MTMR7: variants seen among roughly 807,000 people sequenced by gnomAD.
MTMR7 encodes the protein myotubularin related protein 7.
A neutral mutation model predicts 81.2 loss-of-function variants in MTMR7; 76 were observed. That is an observed-to-expected ratio of 0.94 (90% CI 0.78 to 1.13). The LOEUF is 1.13. Among genes scored for constraint, MTMR7 ranks in the 50% most tolerant of loss-of-function variants. MTMR7 has a pLI of 0.00. For missense variants in MTMR7, 1,044 were observed against 820.0 expected, an observed-to-expected ratio of 1.27 and a Z score of -3.34; for synonymous variants, 372 against 289.8, an observed-to-expected ratio of 1.28 and a Z score of -2.88.
intron 2 of MTMR7, 55 bp downstream of exon 2, chr8:17,373,063 A>T: frequency 6.3e-7 from 1 of 1,598,248 alleles, no homozygotes; most frequent in Non-Finnish European, 8.5e-7. Context: ...GAGGGCAAAC[A>T]CTTTTTGCTT....
intron 3 of MTMR7, among the ~76,000 whole-genome samples, chr8:17,365,140 T>C (rs565052908): frequency 4.9e-4 from 75 of 152,282 alleles, no homozygotes; most frequent in Non-Finnish European, 9.6e-4. Context: ...CTCACTGTGG[T>C]TTTAATTTGC....
At chr8:17,364,523 G>C (rs570959551) in intron 3 of MTMR7, among the ~76,000 whole-genome samples, 1 of 152,234 alleles carries the variant, frequency 6.6e-6, no homozygotes, top group East Asian at 1.9e-4. Context: ...TCAAAATAAT[G>C]AGACTTATTC....
At chr8:17,304,129 T>C (rs1817301573) in intron 12 of MTMR7, among the ~76,000 whole-genome samples, 1 of 152,202 alleles carries the variant, frequency 6.6e-6, no homozygotes, top group Non-Finnish European at 1.5e-5. Flanking sequence ...AATTGGAACT[T>C]AACCTTTTTA....
In MTMR7 at chr8:17,300,089, T is replaced by C; in HGVS notation, c.1756A>G (p.Met586Val). ...GGGCTCCGGGATGGAAATGATTTCA[T>C]ATTCCCACTGTAATCCTGGGGAGTG... ...ANTPQDYSGNMKSFPSRSPSQ... is the reference protein window; with the variant it reads ...ANTPQDYSGNVKSFPSRSPSQ... Residue 586 changes from methionine (M) to valine (V), a missense_variant, in exon 14 of 14, where the codon ATG becomes GTG. Physicochemically the swap from Met to Val is conservative, Grantham distance 21. Coordinates refer to ENST00000180173, the MANE Select transcript of MTMR7 (RefSeq NM_004686.5). 1.2e-6 allele frequency: 2 copies of C among 1,614,188 alleles called. No individual in the cohort carries two copies. The highest frequency in any genetic ancestry group is 1.1e-5 in the South Asian group (1 of 91,080).
At chr8:17,370,280 T>C (rs1430313764) in intron 3 of MTMR7, among the ~76,000 whole-genome samples, 2 of 151,754 alleles carry the variant, frequency 1.3e-5, no homozygotes, top group African/African-American at 4.8e-5. Context: ...TCCGAGCACT[T>C]GAGGCCGAGG....
Position 17,324,502 on chromosome 8 carries a change from C to G in MTMR7, c.865+6648G>C, listed in dbSNP as rs143034364. 4.1e-3 allele frequency among the ~76,000 whole-genome samples: 620 copies of G among 152,352 alleles called. 3 individuals carry two copies. Among genetic ancestry groups the G allele is most frequent in the African/African-American group, 0.014 (576 of 41,582 alleles). ...TCCATGCTCTTCCTCTAGCCTCTGC[C>G]TCTGCGCTTAGTGTTGGACGGTCCA... On this transcript the variant is annotated intron_variant, in intron 7 of 13. Transcript: ENST00000180173.
Position 17,329,936 on chromosome 8 carries a change from T to C in MTMR7, c.865+1214A>G, listed in dbSNP as rs144354412. Among the ~76,000 whole-genome samples the C allele has an allele frequency of 1.3e-3, 201 of 152,196 alleles. 1 individual carries two copies. Among genetic ancestry groups the C allele is most frequent in the African/African-American group, 4.3e-3 (179 of 41,524 alleles). ...TGGAAATGGCTCTGGGGCTGAGATG[T>C]TTTCAGATGTAGGAAGGGATTTCTG... is the stretch of plus-strand genomic sequence containing the variant. On this transcript the variant is annotated intron_variant, in intron 7 of 13. Coordinates refer to ENST00000180173, the MANE Select transcript of MTMR7 (RefSeq NM_004686.5).
intron 1 of MTMR7, among the ~76,000 whole-genome samples, chr8:17,373,853 G>C (rs1051353627): frequency 6.6e-6 from 1 of 152,172 alleles, no homozygotes; most frequent in Non-Finnish European, 1.5e-5. Flanking sequence ...TGCTAGAAGA[G>C]ATTTCTGGAA....
chr8:17,300,364 C>G (rs550792963), intron 13 of MTMR7, 140 bp from the exon 14 acceptor site: 2 of 913,748 alleles, frequency 2.2e-6, no homozygotes, highest in South Asian at 3.7e-5. Context: ...GAGTTCAAAC[C>G]TGGACTTCAC....
At chr8:17,308,799 C>A (rs1817630301) in intron 10 of MTMR7, among the ~76,000 whole-genome samples, 1 of 152,178 alleles carries the variant, frequency 6.6e-6, no homozygotes, top group Admixed American at 6.5e-5. Flanking sequence ...TGGCCTGGAT[C>A]TGGAGTTGGA....
At chr8:17,331,020 C>T in intron 7 of MTMR7, 130 bp downstream of exon 7, 2 of 1,123,588 alleles carry the variant, frequency 1.8e-6, no homozygotes, top group Non-Finnish European at 2.5e-6. Flanking sequence ...TAAAAAGCCA[C>T]TGTAACATGA....
chr8:17,370,729 C>G (rs1820392684), intron 3 of MTMR7, among the ~76,000 whole-genome samples: 1 of 151,840 alleles, frequency 6.6e-6, no homozygotes, highest in African/African-American at 2.4e-5. Flanking sequence ...GCTCGATTAC[C>G]ACAATATAAG....
intron 7 of MTMR7, among the ~76,000 whole-genome samples, chr8:17,316,365 A>G (rs1043581141): frequency 2.6e-5 from 4 of 151,940 alleles, no homozygotes; most frequent in Non-Finnish European, 2.9e-5. Context: ...CATTAATTTT[A>G]ACAGCTATAT....
intron 1 of MTMR7, among the ~76,000 whole-genome samples, chr8:17,401,295 A>G (rs987501379): frequency 7.9e-5 from 12 of 152,312 alleles, no homozygotes; most frequent in Middle Eastern, 3.4e-3. Flanking sequence ...AACCATCTGC[A>G]CATCTAAGGA....
intron 1 of MTMR7, among the ~76,000 whole-genome samples, chr8:17,378,929 A>T (rs1471390997): frequency 6.6e-6 from 1 of 152,186 alleles, no homozygotes; most frequent in Non-Finnish European, 1.5e-5. Flanking sequence ...CATGGGACTA[A>T]AAAAGGTTAC....
Position 17,297,544 on chromosome 8 carries a change from CA to C in MTMR7, c.*2317del, listed in dbSNP as rs1816775359. ...AGTTACTGATTTGCTGGGTCATGGT[CA>C]AAATTCTTACCTATTTATTTCATAT... On this transcript the variant is annotated 3_prime_UTR_variant, in exon 14 of 14. Coordinates refer to ENST00000180173, the MANE Select transcript of MTMR7 (RefSeq NM_004686.5). The C allele has an allele frequency of 7.9e-6, 1 of 126,024 alleles. No homozygotes were observed. The highest frequency in any genetic ancestry group is 3.6e-5 in the African/African-American group (1 of 28,074). 7.8% of individuals were successfully genotyped at this position (126,024 alleles called of 1,614,324 possible).
intron 5 of MTMR7, among the ~76,000 whole-genome samples, chr8:17,346,709 A>G (rs1222216761): frequency 2.0e-5 from 3 of 147,882 alleles, no homozygotes; most frequent in African/African-American, 8.0e-5. Flanking sequence ...TATTCTACAG[A>G]CAACAATAAA....
chr8:17,383,029 G>T (rs988109150), intron 1 of MTMR7, among the ~76,000 whole-genome samples: 1 of 124,268 alleles, frequency 8.0e-6, no homozygotes, highest in East Asian at 2.2e-4. Flanking sequence ...CGAGATATGG[G>T]GGGGCCGGGA....
intron 1 of MTMR7, among the ~76,000 whole-genome samples, chr8:17,406,654 A>G (rs913752493): frequency 1.3e-5 from 2 of 152,222 alleles, no homozygotes; most frequent in Admixed American, 6.5e-5. Context: ...ATTCTATCCA[A>G]GAGAAATACA....
Sources: gnomAD v4.1 joint callset for allele counts (sites outside exome capture counted in the v4.1 genomes callset) on GRCh38, gnomAD v4.1.1 for gene constraint, MANE v1.5 for transcripts, NCBI Gene and HGNC (gene_info 2026-07-23, HGNC 2026-07-21) for gene names.